Variants in FHIT observed in about 807,000 individuals in gnomAD.
FHIT encodes bis(5'-adenosyl)-triphosphatase.
A neutral mutation model predicts 17.9 loss-of-function variants in FHIT; 19 were observed. The observed-to-expected ratio is 1.06, with a 90% CI of 0.74 to 1.56. The LOEUF is 1.56. FHIT is among the 40% of genes most tolerant of loss of function. FHIT has a pLI of 0.00. For synonymous variants in FHIT, 81 were observed against 69.7 expected (o/e 1.16, Z -0.81); for missense variants, 248 against 189.2 (o/e 1.31, Z -1.82).
chr3:60,342,750 G>C (rs570970383), intron 5 of FHIT, among the ~76,000 whole-genome samples: 2 of 152,250 alleles, frequency 1.3e-5, no homozygotes, highest in Non-Finnish European at 2.9e-5. Flanking sequence ...ATATTGTCTG[G>C]AGATACTGAA....
At chr3:60,077,739 G>GAGAC (rs56848166) in intron 5 of FHIT, among the ~76,000 whole-genome samples, 15 of 68,320 alleles carry the variant, frequency 2.2e-4, no homozygotes, top group Non-Finnish European at 3.0e-4. Context: ...CATATATAGA[G>GAGAC]GGGGGGGGGA....
intron 7 of FHIT, among the ~76,000 whole-genome samples, chr3:60,010,333 C>T (rs1009143180): frequency 1.3e-5 from 2 of 152,156 alleles, no homozygotes; most frequent in African/African-American, 4.8e-5. Context: ...GAGGCTAGCC[C>T]TTTTTTATGA....
intron 4 of FHIT, among the ~76,000 whole-genome samples, chr3:60,683,020 A>G (rs894772647): frequency 1.3e-5 from 2 of 152,210 alleles, no homozygotes; most frequent in South Asian, 4.1e-4. Context: ...AATAGCGACA[A>G]CTAGAATCAG....
chr3:59,880,186 C>T (rs1187654037), intron 8 of FHIT, among the ~76,000 whole-genome samples: 1 of 152,200 alleles, frequency 6.6e-6, no homozygotes, highest in African/African-American at 2.4e-5. Flanking sequence ...CCTGTCCCCT[C>T]TGCTCGTTTG....
At chr3:60,499,598 C>T (rs1035902919) in intron 5 of FHIT, among the ~76,000 whole-genome samples, 2 of 152,020 alleles carry the variant, frequency 1.3e-5, no homozygotes, top group Non-Finnish European at 2.9e-5. Context: ...TCACCGTGGC[C>T]TTGATCTCCT....
chr3:60,889,048 GACTCATTCCAATTCCTACTCCACCCCA>G (rs1559803373), intron 3 of FHIT, among the ~76,000 whole-genome samples: 1 of 151,752 alleles, frequency 6.6e-6, no homozygotes, highest in Non-Finnish European at 1.5e-5. Flanking sequence ...ACTCCACCCC[GACTCATTCCAATTCCTACTCCACCCCA>G]ACTCATTCCG....
intron 7 of FHIT, among the ~76,000 whole-genome samples, chr3:59,980,958 G>A (rs919016513): frequency 6.6e-6 from 1 of 152,008 alleles, no homozygotes; most frequent in African/African-American, 2.4e-5. Context: ...CTGCCAATGT[G>A]AAAATAACAT....
intron 7 of FHIT, among the ~76,000 whole-genome samples, chr3:59,932,667 C>A (rs1706032407): frequency 1.3e-5 from 2 of 151,528 alleles, no homozygotes; most frequent in Non-Finnish European, 2.9e-5. Flanking sequence ...GAGAACTCCT[C>A]CCTTTTTTTT....
intron 3 of FHIT, among the ~76,000 whole-genome samples, chr3:60,859,991 C>T (rs1409120508): frequency 3.6e-5 from 4 of 111,948 alleles, no homozygotes; most frequent in Non-Finnish European, 7.5e-5. Context: ...TTCCAGTGAG[C>T]CGAGATTGTG....
chr3:60,275,706 A>C (rs921986375), intron 5 of FHIT, among the ~76,000 whole-genome samples: 1 of 152,172 alleles, frequency 6.6e-6, no homozygotes, highest in Admixed American at 6.5e-5. Context: ...ATACTTAGGA[A>C]AGAAGATTTT....
At chr3:60,864,047 A>C (rs1212562327) in intron 3 of FHIT, among the ~76,000 whole-genome samples, 3 of 152,286 alleles carry the variant, frequency 2.0e-5, no homozygotes, top group East Asian at 1.9e-4. Flanking sequence ...AGGAGGAGCA[A>C]AGGTACATCT....
intron 5 of FHIT, among the ~76,000 whole-genome samples, chr3:60,442,073 T>A (rs2030933147): frequency 6.6e-6 from 1 of 151,598 alleles, no homozygotes; most frequent in South Asian, 2.1e-4. Context: ...TTCCCTGTGA[T>A]GGTCTTGAAC....
chr3:60,138,752 C>G (rs1699917666), intron 5 of FHIT, among the ~76,000 whole-genome samples: 1 of 152,074 alleles, frequency 6.6e-6, no homozygotes, highest in Admixed American at 6.6e-5. Flanking sequence ...AAGCTGTGGG[C>G]TCTAGAAAGA....
At chr3:60,637,043 A>C (rs540892425) in intron 4 of FHIT, among the ~76,000 whole-genome samples, 1 of 152,264 alleles carries the variant, frequency 6.6e-6, no homozygotes, top group East Asian at 1.9e-4. Context: ...GAATCCTGGC[A>C]GCACCAGGGA....
intron 8 of FHIT, among the ~76,000 whole-genome samples, chr3:59,805,875 T>C (rs1323970559): frequency 6.6e-6 from 1 of 152,098 alleles, no homozygotes. Flanking sequence ...CTCTCCTCTT[T>C]GGTGACTTTT....
chr3:60,533,939 A>C (rs887223366), intron 5 of FHIT, among the ~76,000 whole-genome samples: 1 of 152,172 alleles, frequency 6.6e-6, no homozygotes, highest in Non-Finnish European at 1.5e-5. Flanking sequence ...GAGACAGCAT[A>C]AATCTAGATG....
chr3:60,666,830 G>C (rs2040391271), intron 4 of FHIT, among the ~76,000 whole-genome samples: 1 of 149,630 alleles, frequency 6.7e-6, no homozygotes, highest in South Asian at 2.1e-4. Flanking sequence ...GCATCACCAT[G>C]CCCAATTTAT....
chr3:60,814,797 G>A (rs1362275684), intron 4 of FHIT, among the ~76,000 whole-genome samples: 1 of 151,976 alleles, frequency 6.6e-6, no homozygotes, highest in African/African-American at 2.4e-5. Flanking sequence ...GCTTTCCACA[G>A]TGGCCGAACT....
intron 4 of FHIT, among the ~76,000 whole-genome samples, chr3:60,803,068 T>A (rs1249322005): frequency 1.3e-5 from 2 of 152,170 alleles, no homozygotes; most frequent in African/African-American, 4.8e-5. Context: ...GTTGATGGCA[T>A]CACCCTTGCC....
Sources: gnomAD v4.1 joint callset for allele counts (sites outside exome capture counted in the v4.1 genomes callset) on GRCh38, gnomAD v4.1.1 for gene constraint, MANE v1.5 for transcripts, NCBI Gene and HGNC (gene_info 2026-07-23, HGNC 2026-07-21) for gene names.